SLC30A8: variants seen among roughly 807,000 people sequenced by gnomAD.
The protein encoded by SLC30A8 is solute carrier family 30 member 8.
Under a neutral mutation model 36.9 loss-of-function variants are expected in SLC30A8, and 27 were observed. The observed-to-expected ratio is 0.73, with a 90% CI of 0.54 to 1.01. The LOEUF (loss-of-function observed/expected upper bound fraction) is 1.01. Ranked by LOEUF, SLC30A8 falls within the 50% of genes least tolerant of loss-of-function variation. SLC30A8 has a pLI of 0.00. For synonymous variants in SLC30A8, 164 were observed against 172.4 expected (o/e 0.95, Z 0.38); for missense variants, 439 against 452.0 (o/e 0.97, Z 0.26).
At chr8:117,003,739 A>C (rs920811725) in intron 1 of SLC30A8, among the ~76,000 whole-genome samples, 4 of 152,220 alleles carry the variant, frequency 2.6e-5, no homozygotes, top group South Asian at 2.1e-4. Context: ...TTAGAATCTT[A>C]GTAGCATAAG....
chr8:117,109,574 T>A (rs146841672), intron 2 of SLC30A8, among the ~76,000 whole-genome samples: 1 of 149,966 alleles, frequency 6.7e-6, no homozygotes, highest in African/African-American at 2.5e-5. Context: ...TCAGATTTTA[T>A]AAATTCCTAA....
At chr8:116,984,208 C>T (rs1815367171) in intron 1 of SLC30A8, among the ~76,000 whole-genome samples, 1 of 152,016 alleles carries the variant, frequency 6.6e-6, no homozygotes, top group Non-Finnish European at 1.5e-5. Context: ...AACTTTTCAC[C>T]TATGAAATGA....
chr8:117,150,614 T>G (rs891957371), intron 2 of SLC30A8, among the ~76,000 whole-genome samples: 3 of 150,324 alleles, frequency 2.0e-5, no homozygotes, highest in African/African-American at 7.4e-5. Flanking sequence ...TAAAAGAAAA[T>G]TTTTTTTTTG....
At chr8:117,167,421 C>G (rs923625791) in intron 6 of SLC30A8, among the ~76,000 whole-genome samples, 1 of 151,728 alleles carries the variant, frequency 6.6e-6, no homozygotes, top group East Asian at 1.9e-4. Flanking sequence ...TCCTATTCTT[C>G]AGGGATAATA....
At chr8:117,080,407 A>G (rs920608201) in intron 2 of SLC30A8, among the ~76,000 whole-genome samples, 1 of 152,028 alleles carries the variant, frequency 6.6e-6, no homozygotes, top group Non-Finnish European at 1.5e-5. Flanking sequence ...ACAAAGGTAT[A>G]CTGTGTGATG....
intron 1 of SLC30A8, among the ~76,000 whole-genome samples, chr8:117,024,487 A>G (rs955132810): frequency 1.3e-5 from 2 of 152,140 alleles, no homozygotes; most frequent in Admixed American, 1.3e-4. Flanking sequence ...TTTAACCTGC[A>G]TCTTCCTTAT....
intron 2 of SLC30A8, among the ~76,000 whole-genome samples, chr8:117,152,085 A>G (rs1586593143): frequency 6.6e-6 from 1 of 152,202 alleles, no homozygotes; most frequent in Non-Finnish European, 1.5e-5. Flanking sequence ...AGTCTCTGCT[A>G]TTTTGTAGTA....
chr8:116,968,316 A>C (rs888268030), intron 1 of SLC30A8, among the ~76,000 whole-genome samples: 9 of 150,190 alleles, frequency 6.0e-5, no homozygotes, highest in African/African-American at 2.0e-4. Flanking sequence ...GCTATACTAT[A>C]ATAATATATA....
intron 2 of SLC30A8, among the ~76,000 whole-genome samples, chr8:117,113,380 C>G (rs1385948288): frequency 1.1e-4 from 17 of 152,208 alleles, no homozygotes; most frequent in Middle Eastern, 3.4e-3. Flanking sequence ...AATGTATTAT[C>G]TTCAAAATAG....
intron 4 of SLC30A8, among the ~76,000 whole-genome samples, chr8:117,158,947 T>C (rs541382741): frequency 1.3e-5 from 2 of 152,224 alleles, no homozygotes; most frequent in Non-Finnish European, 2.9e-5. Flanking sequence ...GATGGGAAAT[T>C]ATCCTTGATT....
chr8:116,979,040 C>T (rs575565183), intron 1 of SLC30A8, among the ~76,000 whole-genome samples: 6 of 151,202 alleles, frequency 4.0e-5, no homozygotes, highest in African/African-American at 1.5e-4. Context: ...TGTTTGAGAC[C>T]AGCCTGGGCA....
At chr8:117,158,940 G>T (rs1241929933) in intron 4 of SLC30A8, among the ~76,000 whole-genome samples, 1 of 152,192 alleles carries the variant, frequency 6.6e-6, no homozygotes, top group African/African-American at 2.4e-5. Context: ...ATATTAAGAT[G>T]GGAAATTATC....
At chr8:117,002,684 A>G (rs548429397) in intron 1 of SLC30A8, among the ~76,000 whole-genome samples, 2 of 152,082 alleles carry the variant, frequency 1.3e-5, no homozygotes, top group African/African-American at 4.8e-5. Context: ...GGCTCACTTG[A>G]ACCTCTGCCT....
intron 2 of SLC30A8, among the ~76,000 whole-genome samples, chr8:117,129,729 TA>T (rs1359803422): frequency 6.6e-6 from 1 of 152,062 alleles, no homozygotes; most frequent in Non-Finnish European, 1.5e-5. Context: ...AATGATAACG[TA>T]TTATATTTCT....
At chr8:117,064,728 A>T (rs1438160198) in intron 2 of SLC30A8, among the ~76,000 whole-genome samples, 2 of 152,216 alleles carry the variant, frequency 1.3e-5, no homozygotes, top group African/African-American at 4.8e-5. Context: ...GGGAAAATAA[A>T]TGAGACTTTC....
At chr8:117,143,751 T>TGGATTTCTGGCTTAGTTCTTCAA (rs1821774107) in intron 1 of SLC30A8, among the ~76,000 whole-genome samples, 2 of 151,828 alleles carry the variant, frequency 1.3e-5, no homozygotes, top group South Asian at 4.2e-4. Context: ...AGCCCACTTT[T>TGGATTTCTGGCTTAGTTCTTCAA]GGATTTCTGG....
chr8:117,101,200 C>T (rs1819703064), intron 2 of SLC30A8, among the ~76,000 whole-genome samples: 1 of 152,136 alleles, frequency 6.6e-6, no homozygotes, highest in African/African-American at 2.4e-5. Flanking sequence ...TGTTTACTGA[C>T]TTTGTTGGAG....
chr8:117,062,265 G>A (rs951699635), intron 2 of SLC30A8, among the ~76,000 whole-genome samples: 4 of 152,162 alleles, frequency 2.6e-5, no homozygotes, highest in Admixed American at 6.5e-5. Flanking sequence ...TATTACTATA[G>A]AGAAATGTCT....
chr8:116,950,744 G>C (rs796511542), upstream of SLC30A8, among the ~76,000 whole-genome samples: 18 of 152,252 alleles, frequency 1.2e-4, no homozygotes, highest in African/African-American at 4.3e-4. Flanking sequence ...AATATCTCAA[G>C]ATTTTAAGGT....
Sources: allele counts gnomAD v4.1 joint callset (sites outside exome capture counted in the v4.1 genomes callset), GRCh38; gene constraint gnomAD v4.1.1; transcripts MANE v1.5; gene names NCBI Gene and HGNC (gene_info 2026-07-23, HGNC 2026-07-21).